Variants in THSD7B observed in about 807,000 individuals in gnomAD.
THSD7B encodes the protein thrombospondin type 1 domain containing 7B, also known as thrombospondin type-1 domain-containing protein 7B.
A neutral mutation model predicts 213.6 loss-of-function variants in THSD7B; 138 were observed. The observed-to-expected ratio is 0.65, with a 90% CI of 0.56 to 0.74. The LOEUF (loss-of-function observed/expected upper bound fraction) is 0.74, where lower values mean the gene tolerates loss of function less well. THSD7B is among the 30% of genes least tolerant of loss of function. THSD7B has a pLI of 0.00. For synonymous variants in THSD7B, 742 were observed against 687.0 expected (o/e 1.08, Z -1.25); for missense variants, 1,931 against 1,991.5 (o/e 0.97, Z 0.58).
chr2:137,034,632 G>T (rs956821374), intron 2 of THSD7B, among the ~76,000 whole-genome samples: 2 of 151,820 alleles, frequency 1.3e-5, no homozygotes, highest in Non-Finnish European at 2.9e-5. Flanking sequence ...TCCCCTCCTT[G>T]TGTGTCCATG....
At chr2:137,603,253 C>T (rs1682109303) in intron 17 of THSD7B, among the ~76,000 whole-genome samples, 1 of 152,208 alleles carries the variant, frequency 6.6e-6, no homozygotes, top group Non-Finnish European at 1.5e-5. Context: ...ATTGCCTTCA[C>T]ATCATTGTGA....
chr2:137,515,012 T>C (rs904253141), intron 15 of THSD7B, among the ~76,000 whole-genome samples: 5 of 152,164 alleles, frequency 3.3e-5, no homozygotes, highest in South Asian at 2.1e-4. Context: ...GAGAGTCTTA[T>C]CTCCTGTAGA....
intron 1 of THSD7B, among the ~76,000 whole-genome samples, chr2:136,858,028 C>T (rs747703889): frequency 6.6e-5 from 10 of 152,150 alleles, no homozygotes; most frequent in Non-Finnish European, 1.0e-4. Flanking sequence ...GAGTCTGTAG[C>T]CTTTCTTCCT....
intron 10 of THSD7B, among the ~76,000 whole-genome samples, chr2:137,271,254 G>A (rs1278843128): frequency 3.3e-5 from 5 of 150,760 alleles, no homozygotes; most frequent in African/African-American, 1.2e-4. Flanking sequence ...ACCCAGAGCC[G>A]TACTCACATA....
At chr2:137,648,136 A>T (rs1008534628) in intron 21 of THSD7B, among the ~76,000 whole-genome samples, 4 of 152,180 alleles carry the variant, frequency 2.6e-5, no homozygotes, top group Non-Finnish European at 5.9e-5. Context: ...TTTTGGGTAT[A>T]TGTGATAACT....
rs200164794 is a variant in THSD7B at position 137,244,556 on chromosome 2, G to A, written c.2266+1984G>A. ...TAAAGGAAACGGAATCACAGGGCAT[G>A]TAAAGTAATTGTTCCTCAAGCAACT... On this transcript the variant is annotated intron_variant, in intron 10 of 27. Coordinates refer to ENST00000409968, the MANE Select transcript of THSD7B (RefSeq NM_001316349.2). 4.6e-5 allele frequency among the ~76,000 whole-genome samples: 7 copies of A among 152,286 alleles called. No individual in the cohort carries two copies. The East Asian group carries it at 1.2e-3, about 25-fold the overall frequency.
chr2:137,475,157 A>T (rs990430036), intron 15 of THSD7B, among the ~76,000 whole-genome samples: 9 of 152,116 alleles, frequency 5.9e-5, no homozygotes, highest in Non-Finnish European at 1.5e-5. Flanking sequence ...CAATTTGGGG[A>T]GTCTTTTGAC....
At chr2:137,005,889 A>G (rs990552742) in intron 2 of THSD7B, among the ~76,000 whole-genome samples, 2 of 152,180 alleles carry the variant, frequency 1.3e-5, no homozygotes, top group Non-Finnish European at 2.9e-5. Flanking sequence ...CTCATTTAAC[A>G]TTTTATGTGT....
intron 16 of THSD7B, among the ~76,000 whole-genome samples, chr2:137,568,520 G>A (rs987582691): frequency 2.0e-5 from 3 of 152,118 alleles, no homozygotes; most frequent in African/African-American, 7.2e-5. Context: ...ACCCGAGACT[G>A]GTTAATTTAT....
chr2:137,310,448 G>A (rs1230963993), intron 12 of THSD7B, among the ~76,000 whole-genome samples: 1 of 149,002 alleles, frequency 6.7e-6, no homozygotes, highest in Non-Finnish European at 1.5e-5. Context: ...CTCCCATTTT[G>A]TAGGTTGCCT....
Position 137,583,732 on chromosome 2 carries a change from G to A in THSD7B, c.3423+11176G>A, listed in dbSNP as rs1404626142. 3.9e-5 allele frequency among the ~76,000 whole-genome samples: 6 copies of A among 152,226 alleles called. No homozygotes were observed. In the East Asian group the frequency reaches 1.2e-3, roughly 29 times the overall value. On this transcript the variant is annotated intron_variant, in intron 17 of 27. Transcript: ENST00000409968. ...TTGGTACCAGTACCATGCTGTTTTG[G>A]TTACTGTAGCCTTGTAGTATAGTTT...
At chr2:136,817,314 C>T (rs1682491161) in intron 1 of THSD7B, among the ~76,000 whole-genome samples, 1 of 151,636 alleles carries the variant, frequency 6.6e-6, no homozygotes, top group South Asian at 2.1e-4. Flanking sequence ...TTGTAGGTTG[C>T]CTGTTCACTC....
At chr2:137,283,080 A>G (rs2104821072) in intron 12 of THSD7B, among the ~76,000 whole-genome samples, 1 of 152,086 alleles carries the variant, frequency 6.6e-6, no homozygotes, top group African/African-American at 2.4e-5. Context: ...CTTTTATTTC[A>G]TTGATCAGTG....
chr2:137,183,824 A>G (rs961062270), intron 7 of THSD7B, among the ~76,000 whole-genome samples: 3 of 152,142 alleles, frequency 2.0e-5, no homozygotes, highest in African/African-American at 7.2e-5. Context: ...TTTGTTGTGA[A>G]AAATGGCTCA....
intron 20 of THSD7B, among the ~76,000 whole-genome samples, chr2:137,622,719 G>A (rs1485171745): frequency 1.3e-5 from 2 of 152,080 alleles, no homozygotes; most frequent in Admixed American, 6.5e-5. Flanking sequence ...AAATAAACTA[G>A]AAAATCTAGA....
intron 2 of THSD7B, among the ~76,000 whole-genome samples, chr2:137,051,788 T>A (rs914295392): frequency 1.3e-5 from 2 of 152,172 alleles, no homozygotes; most frequent in Admixed American, 1.3e-4. Flanking sequence ...TAGTGACCAG[T>A]ACTGTGCAAG....
At chr2:136,886,758 G>A (rs553773272) in intron 2 of THSD7B, among the ~76,000 whole-genome samples, 2 of 152,166 alleles carry the variant, frequency 1.3e-5, no homozygotes, top group African/African-American at 2.4e-5. Flanking sequence ...CTGGAAGAGT[G>A]GAGTTGCTGT....
intron 7 of THSD7B, among the ~76,000 whole-genome samples, chr2:137,210,656 G>A (rs1424615041): frequency 6.6e-6 from 1 of 151,966 alleles, no homozygotes. Context: ...TTGATGTATA[G>A]TAATACATTT....
chr2:137,241,603 A>T (rs1681905276), intron 9 of THSD7B, among the ~76,000 whole-genome samples: 1 of 152,074 alleles, frequency 6.6e-6, no homozygotes, highest in Admixed American at 6.6e-5. Flanking sequence ...TTTTCAGTCT[A>T]CGTGTTCTAT....
Sources: allele counts gnomAD v4.1 joint callset (sites outside exome capture counted in the v4.1 genomes callset), GRCh38; gene constraint gnomAD v4.1.1; transcripts MANE v1.5; gene names NCBI Gene and HGNC (gene_info 2026-07-23, HGNC 2026-07-21).